Variants in CDH18 observed in about 807,000 individuals in gnomAD.
The protein encoded by CDH18 is cadherin-18.
Under a neutral mutation model 67.9 loss-of-function variants are expected in CDH18, and 31 were observed. That is an observed-to-expected ratio of 0.46 (90% CI 0.34 to 0.62). The LOEUF (loss-of-function observed/expected upper bound fraction) is 0.62. CDH18 is among the 20% of genes least tolerant of loss of function. The pLI is 0.01. For synonymous variants in CDH18, 362 were observed against 347.2 expected (o/e 1.04, Z -0.48); for missense variants, 890 against 975.5 (o/e 0.91, Z 1.17).
Position 19,686,353 on chromosome 5 carries a change from T to C in CDH18, c.643+34994A>G, listed in dbSNP as rs529427121. 3.3e-5 allele frequency among the ~76,000 whole-genome samples: 5 copies of C among 152,254 alleles called. No homozygotes were observed. In the South Asian group the frequency reaches 1.0e-3, roughly 32 times the overall value. On this transcript the variant is annotated intron_variant, in intron 5 of 12. Transcript: ENST00000382275. Reference sequence around the variant, plus strand: ...ATTGCAATAAATATGGTACCTTACCTTGCAAAAACCTGAAGTTTTTATGTG... The same window carrying C: ...ATTGCAATAAATATGGTACCTTACCCTGCAAAAACCTGAAGTTTTTATGTG...
At chr5:20,477,087 C>A (rs985464206) in intron 1 of CDH18, among the ~76,000 whole-genome samples, 4 of 151,970 alleles carry the variant, frequency 2.6e-5, no homozygotes, top group Non-Finnish European at 4.4e-5. Flanking sequence ...AGAGGGAGGG[C>A]AAATATAGTT....
intron 11 of CDH18, among the ~76,000 whole-genome samples, chr5:19,495,190 T>G (rs746353484): frequency 6.6e-6 from 1 of 152,162 alleles, no homozygotes; most frequent in Non-Finnish European, 1.5e-5. Flanking sequence ...GATGGGGTTC[T>G]AACCCAATTT....
intron 2 of CDH18, among the ~76,000 whole-genome samples, chr5:19,994,853 T>TGGAGAGAG (rs1554078437): frequency 4.9e-4 from 26 of 53,210 alleles, no homozygotes; most frequent in Non-Finnish European, 7.4e-4. Context: ...TATATATATA[T>TGGAGAGAG]ATAGAGAGAG....
intron 2 of CDH18, among the ~76,000 whole-genome samples, chr5:20,188,415 C>T (rs957408871): frequency 6.6e-6 from 1 of 151,952 alleles, no homozygotes; most frequent in Admixed American, 6.6e-5. Flanking sequence ...TACATTTATC[C>T]ATACCCACAT....
At chr5:20,312,780 C>T (rs1480059898) in intron 1 of CDH18, among the ~76,000 whole-genome samples, 1 of 152,134 alleles carries the variant, frequency 6.6e-6, no homozygotes, top group African/African-American at 2.4e-5. Context: ...AAATCTATTA[C>T]TATTTTTCAA....
At chr5:19,682,781 T>C (rs982909374) in intron 5 of CDH18, among the ~76,000 whole-genome samples, 3 of 152,094 alleles carry the variant, frequency 2.0e-5, no homozygotes, top group African/African-American at 7.2e-5. Context: ...ATTGATACTA[T>C]CAAATTCCTT....
intron 3 of CDH18, among the ~76,000 whole-genome samples, chr5:19,764,743 T>C (rs1026161106): frequency 1.3e-5 from 2 of 152,020 alleles, no homozygotes; most frequent in African/African-American, 4.8e-5. Flanking sequence ...ATGGGTTTTA[T>C]TTGAGCCAGT....
intron 3 of CDH18, among the ~76,000 whole-genome samples, chr5:19,789,118 C>A (rs1294134074): frequency 6.6e-6 from 1 of 152,136 alleles, no homozygotes; most frequent in Non-Finnish European, 1.5e-5. Flanking sequence ...GATGATTGTT[C>A]TTTCCCCACT....
chr5:19,856,568 T>C (rs1048194707), intron 2 of CDH18, among the ~76,000 whole-genome samples: 1 of 152,124 alleles, frequency 6.6e-6, no homozygotes, highest in Non-Finnish European at 1.5e-5. Context: ...CTCCAGTACC[T>C]CCGAATGTGA....
intron 6 of CDH18, among the ~76,000 whole-genome samples, chr5:19,598,677 C>A (rs1236217733): frequency 6.6e-6 from 1 of 151,926 alleles, no homozygotes; most frequent in Non-Finnish European, 1.5e-5. Context: ...AAATTATCTC[C>A]TCACTTCCCT....
At chr5:20,452,026 T>A (rs1295016104) in intron 1 of CDH18, among the ~76,000 whole-genome samples, 4 of 152,298 alleles carry the variant, frequency 2.6e-5, no homozygotes, top group Admixed American at 2.6e-4. Flanking sequence ...ATCAATGATA[T>A]TCAGTTTGCA....
chr5:20,060,788 A>G (rs915003587), intron 2 of CDH18, among the ~76,000 whole-genome samples: 4 of 152,152 alleles, frequency 2.6e-5, no homozygotes, highest in South Asian at 2.1e-4. Flanking sequence ...CCAATTCTAT[A>G]TAAGTGAAGG....
intron 1 of CDH18, among the ~76,000 whole-genome samples, chr5:20,341,257 G>A (rs1005862777): frequency 6.6e-6 from 1 of 152,006 alleles, no homozygotes; most frequent in African/African-American, 2.4e-5. Flanking sequence ...ACCCTTAATC[G>A]GGTGAGCACC....
At chr5:20,143,558 G>A (rs1750410559) in intron 2 of CDH18, among the ~76,000 whole-genome samples, 2 of 151,864 alleles carry the variant, frequency 1.3e-5, no homozygotes, top group African/African-American at 2.4e-5. Context: ...TTTAATGATG[G>A]GGGTGTTGCT....
chr5:20,355,039 A>G (rs1741498524), intron 1 of CDH18, among the ~76,000 whole-genome samples: 1 of 152,188 alleles, frequency 6.6e-6, no homozygotes, highest in African/African-American at 2.4e-5. Context: ...TAGAATTTTC[A>G]TAGGCCCACA....
At chr5:19,529,921 T>C (rs1748327978) in intron 9 of CDH18, among the ~76,000 whole-genome samples, 1 of 152,132 alleles carries the variant, frequency 6.6e-6, no homozygotes, top group Admixed American at 6.5e-5. Context: ...CCGATATTGT[T>C]GAATAATTTG....
intron 2 of CDH18, among the ~76,000 whole-genome samples, chr5:19,954,902 T>C (rs1796120567): frequency 6.7e-6 from 1 of 148,794 alleles, no homozygotes; most frequent in African/African-American, 2.5e-5. Context: ...ACAAGTGGAG[T>C]GAAGTTTAGG....
chr5:19,833,064 T>C (rs1443527173), intron 3 of CDH18, among the ~76,000 whole-genome samples: 1 of 152,102 alleles, frequency 6.6e-6, no homozygotes, highest in Non-Finnish European at 1.5e-5. Context: ...TTGTGAAGAA[T>C]GTCAATGGTA....
intron 1 of CDH18, among the ~76,000 whole-genome samples, chr5:20,417,579 G>C (rs1367006058): frequency 6.6e-6 from 1 of 152,150 alleles, no homozygotes; most frequent in African/African-American, 2.4e-5. Context: ...AGTAATCAGA[G>C]GAAGGGATTC....
Sources: gnomAD v4.1 joint callset for allele counts (sites outside exome capture counted in the v4.1 genomes callset) on GRCh38, gnomAD v4.1.1 for gene constraint, MANE v1.5 for transcripts, NCBI Gene and HGNC (gene_info 2026-07-23, HGNC 2026-07-21) for gene names.